MAMDC2: variants seen among roughly 807,000 people sequenced by gnomAD.
MAMDC2 encodes the protein MAM domain-containing protein 2.
Under a neutral mutation model 89.8 loss-of-function variants are expected in MAMDC2, and 57 were observed. The ratio of observed to expected loss-of-function variants is 0.63; its 90% CI spans 0.51 to 0.79. The LOEUF (loss-of-function observed/expected upper bound fraction) is 0.79. MAMDC2 is among the 30% of genes least tolerant of loss of function. The probability of loss-of-function intolerance (pLI) is 0.00; values close to 1 mark genes in which losing one functional copy is unlikely to be tolerated. For synonymous variants in MAMDC2, 313 were observed against 293.4 expected (o/e 1.07, Z -0.68); for missense variants, 800 against 820.6 (o/e 0.97, Z 0.31).
intron 6 of MAMDC2, among the ~76,000 whole-genome samples, chr9:70,130,560 G>C (rs1391216228): frequency 6.6e-6 from 1 of 152,150 alleles, no homozygotes; most frequent in African/African-American, 2.4e-5. Flanking sequence ...TGAGCTCACA[G>C]TTAAAGTTGC....
intron 9 of MAMDC2, among the ~76,000 whole-genome samples, chr9:70,164,152 T>C (rs1041479235): frequency 6.6e-6 from 1 of 152,228 alleles, no homozygotes; most frequent in African/African-American, 2.4e-5. Flanking sequence ...GACTTGGCAG[T>C]GATGCTGGCA....
At chr9:70,217,853 A>G (rs2033478738) in intron 11 of MAMDC2, among the ~76,000 whole-genome samples, 1 of 152,238 alleles carries the variant, frequency 6.6e-6, no homozygotes, top group Admixed American at 6.5e-5. Context: ...ACAATTCTGT[A>G]GCATAGGTAT....
intron 6 of MAMDC2, among the ~76,000 whole-genome samples, chr9:70,131,278 T>C (rs952926023): frequency 1.3e-5 from 2 of 152,162 alleles, no homozygotes; most frequent in African/African-American, 4.8e-5. Flanking sequence ...TGTCAACGTA[T>C]GACTTTTGAG....
intron 2 of MAMDC2, among the ~76,000 whole-genome samples, chr9:70,060,041 C>T (rs1250248203): frequency 6.6e-6 from 1 of 152,206 alleles, no homozygotes; most frequent in Non-Finnish European, 1.5e-5. Context: ...GTTCAACCTT[C>T]CTCACAGTCA....
chr9:70,052,500 A>G (rs1826933539), intron 2 of MAMDC2, among the ~76,000 whole-genome samples: 4 of 152,288 alleles, frequency 2.6e-5, no homozygotes, highest in South Asian at 2.1e-4. Flanking sequence ...AAAACATTCC[A>G]TAACTTTTCC....
chr9:70,163,288 G>T (rs573011562), intron 9 of MAMDC2, among the ~76,000 whole-genome samples: 21 of 146,694 alleles, frequency 1.4e-4, no homozygotes, highest in Non-Finnish European at 2.5e-4. Flanking sequence ...GAGTGAAGTG[G>T]CACCATCTTG....
At chr9:70,118,163 C>T (rs919991017) in intron 5 of MAMDC2, among the ~76,000 whole-genome samples, 3 of 149,560 alleles carry the variant, frequency 2.0e-5, no homozygotes, top group Non-Finnish European at 4.4e-5. Context: ...CCCCTGAGTT[C>T]CAGGCTACAT....
At chr9:70,190,391 T>C (rs546403724) in intron 11 of MAMDC2, among the ~76,000 whole-genome samples, 26 of 152,280 alleles carry the variant, frequency 1.7e-4, no homozygotes, top group African/African-American at 5.8e-4. Context: ...AGATTTTCCT[T>C]AAATGCCTTA....
intron 11 of MAMDC2, among the ~76,000 whole-genome samples, chr9:70,206,628 TC>T (rs1277898149): frequency 2.6e-5 from 4 of 152,114 alleles, no homozygotes; most frequent in African/African-American, 7.2e-5. Flanking sequence ...TTGGTATATA[TC>T]TTTTTTTATT....
chr9:70,128,563 C>T (rs982458589), intron 6 of MAMDC2, among the ~76,000 whole-genome samples: 6 of 151,930 alleles, frequency 3.9e-5, no homozygotes, highest in East Asian at 3.8e-4. Context: ...ATGAAGAAAC[C>T]GAGGGCTGGA....
chr9:70,075,308 C>T (rs750238543), intron 2 of MAMDC2, among the ~76,000 whole-genome samples: 1 of 152,174 alleles, frequency 6.6e-6, no homozygotes, highest in Non-Finnish European at 1.5e-5. Context: ...AGCTGTGATT[C>T]GGCAGGGATG....
At chr9:70,149,752 T>C (rs777949605) in intron 9 of MAMDC2, among the ~76,000 whole-genome samples, 2 of 152,166 alleles carry the variant, frequency 1.3e-5, no homozygotes, top group Non-Finnish European at 2.9e-5. Context: ...CACCAGGGTA[T>C]TGTAACATCC....
chr9:70,154,568 A>G (rs2031685574), intron 9 of MAMDC2, among the ~76,000 whole-genome samples: 1 of 137,778 alleles, frequency 7.3e-6, no homozygotes, highest in African/African-American at 2.7e-5. Context: ...TCTGTTGCCC[A>G]GGTTGGAATG....
At position 70,211,964 on chromosome 9, in the gene MAMDC2, T is replaced by C. The variant is rs149675267; in HGVS notation, c.1652-6373T>C. On this transcript the variant is annotated intron_variant, in intron 11 of 13. Transcript: ENST00000377182. ...AGCAAATATTGCAGAATGGCAGATG[T>C]TGCTGCCTGATCATTCCTCTGGAAG... 3.9e-3 allele frequency among the ~76,000 whole-genome samples: 599 copies of C among 152,354 alleles called. 3 individuals are homozygous for C. The highest frequency in any genetic ancestry group is 0.013 in the African/African-American group (553 of 41,576).
At position 70,199,094 on chromosome 9, in the gene MAMDC2, A is replaced by C. The variant is rs186531009; in HGVS notation, c.1652-19243A>C. Among the ~76,000 whole-genome samples, 284 of 150,798 alleles carry C rather than the reference A, an allele frequency of 1.9e-3. 1 individual carries two copies. Among genetic ancestry groups the C allele is most frequent in the African/African-American group, 6.7e-3 (274 of 40,930 alleles). On this transcript the variant is annotated intron_variant, in intron 11 of 13. Coordinates refer to ENST00000377182, the MANE Select transcript of MAMDC2 (RefSeq NM_153267.5). ...TATTATACTTTAAGTTTTAGGGTACATGTGCACATTGTACAGGTTAGTTAC... is the reference window on the plus strand; with the variant it reads ...TATTATACTTTAAGTTTTAGGGTACCTGTGCACATTGTACAGGTTAGTTAC...
Position 70,221,380 on chromosome 9 carries a change from T to TATATATATATAG in MAMDC2, c.1911+2785_1911+2786insTATATATATAGA. Reference sequence around the variant, plus strand: ...AAATATATATATATATATATATATATAGAGAGAGAGAGAGAGAGAGAGAGA... The same window carrying TATATATATATAG: ...AAATATATATATATATATATATATATATATATATATAGAGAGAGAGAGAGAGAGAGAGAGAGA... On this transcript the variant is annotated intron_variant, in intron 12 of 13. Coordinates refer to ENST00000377182, the MANE Select transcript of MAMDC2 (RefSeq NM_153267.5). Among the ~76,000 whole-genome samples, 50 of 7,032 alleles carry TATATATATATAG rather than the reference T, an allele frequency of 7.1e-3. 1 individual carries two copies. Among genetic ancestry groups the TATATATATATAG allele is most frequent in the South Asian group, 0.016 (1 of 64 alleles). 4.6% of individuals were successfully genotyped at this position (7,032 alleles called of 152,430 possible). A position where few individuals can be genotyped will look rare whatever the true frequency, so the allele number is the denominator to read the frequency against.
intron 11 of MAMDC2, chr9:70,217,394 T>C (rs530284859): frequency 1.5e-6 from 2 of 1,338,454 alleles, no homozygotes; most frequent in African/African-American, 1.4e-5. Flanking sequence ...TCGGAAGAAA[T>C]TCAAAAGAAA....
chr9:70,211,629 G>A lies in MAMDC2; in HGVS notation c.1652-6708G>A, dbSNP rs549670643. Reference sequence around the variant, plus strand: ...GTCTGAAGCCTTCTTCTCTCAACTCGTCAAAGTCATTCTCCATCCAGCTTT... The same window carrying A: ...GTCTGAAGCCTTCTTCTCTCAACTCATCAAAGTCATTCTCCATCCAGCTTT... On this transcript the variant is annotated intron_variant, in intron 11 of 13. Coordinates refer to ENST00000377182, the MANE Select transcript of MAMDC2 (RefSeq NM_153267.5). Among the ~76,000 whole-genome samples, 507 of 150,700 alleles carry A rather than the reference G, an allele frequency of 3.4e-3. 2 individuals are homozygous for A. The highest frequency in any genetic ancestry group is 0.017 in the Middle Eastern group (5 of 288).
intron 11 of MAMDC2, among the ~76,000 whole-genome samples, chr9:70,200,123 G>C (rs1458409742): frequency 1.3e-5 from 2 of 151,936 alleles, no homozygotes; most frequent in South Asian, 4.2e-4. Context: ...TGAAGTCCTT[G>C]CCCATGCCTA....
Sources: gnomAD v4.1 joint callset for allele counts (sites outside exome capture counted in the v4.1 genomes callset) on GRCh38, gnomAD v4.1.1 for gene constraint, MANE v1.5 for transcripts, NCBI Gene and HGNC (gene_info 2026-07-23, HGNC 2026-07-21) for gene names.